Variants in DOCK9 observed in about 807,000 individuals in gnomAD.
DOCK9 encodes dedicator of cytokinesis 9.
DOCK9 carries 89 observed loss-of-function variants against 263.3 expected under a neutral mutation model. The ratio of observed to expected loss-of-function variants is 0.34; its 90% confidence interval spans 0.28 to 0.40. DOCK9 has a LOEUF of 0.40. DOCK9 is among the 10% of genes least tolerant of loss of function. The probability of loss-of-function intolerance (pLI) is 1.00; values close to 1 mark genes in which losing one functional copy is unlikely to be tolerated. For missense variants in DOCK9, 2,140 were observed against 2,603.4 expected, an observed-to-expected ratio of 0.82 and a Z score of 3.87; for synonymous variants, 976 against 973.1, an observed-to-expected ratio of 1.00 and a Z score of -0.06.
At chr13:98,826,753 G>A (rs2092557605) in intron 44 of DOCK9, 77 bp downstream of exon 44, 1 of 1,168,440 alleles carries the variant, frequency 8.6e-7, no homozygotes, top group African/African-American at 1.5e-5. Flanking sequence ...CAATCTTCCT[G>A]AATGGCTCTC....
chr13:98,810,167 A>T lies in DOCK9; in HGVS notation c.5253+2T>A, dbSNP rs1439038034. ...GAAAAAAACAAAAAGGCACTCTCAT[A>T]CCTCAAAATCCCTCCGCTTCTCATA... On this transcript the variant is annotated splice_donor_variant, in intron 46 of 52. Coordinates refer to ENST00000682017, the MANE Select transcript of DOCK9 (RefSeq NM_001366683.2). LOFTEE classifies it high-confidence loss of function. The T allele has an allele frequency of 6.2e-7, 1 of 1,613,882 alleles. No homozygotes were observed.
intron 1 of DOCK9, among the ~76,000 whole-genome samples, chr13:98,968,195 G>A (rs1402708440): frequency 6.6e-6 from 1 of 152,126 alleles, no homozygotes; most frequent in East Asian, 1.9e-4. Context: ...TCTTACGAAT[G>A]AAATATAAAA....
intron 2 of DOCK9, among the ~76,000 whole-genome samples, chr13:98,955,182 G>T (rs2057899495): frequency 1.3e-5 from 2 of 152,148 alleles, no homozygotes. Context: ...GCCAGGCATG[G>T]TGGCACACGC....
In DOCK9 at chr13:98,885,022, C is replaced by G. The variant is rs373591749; in HGVS notation, c.2331G>C (p.Ser777=). ...VVTSEQHIPV[S]ANLPSGYLGY... is the part of the protein sequence containing the mutation. Reference sequence around the variant, plus strand: ...CAAGATAGCCCGAAGGAAGGTTCGCCGAGACCGGGATGTGCTGCTCGCTTG... The same window carrying G: ...CAAGATAGCCCGAAGGAAGGTTCGCGGAGACCGGGATGTGCTGCTCGCTTG... The change falls in exon 21 of 53, where the codon TCG becomes TCC. Residue 777 remains serine, a synonymous_variant. Transcript: ENST00000682017. 6 of 1,613,616 alleles carry G rather than the reference C, an allele frequency of 3.7e-6. No homozygotes were observed. The highest frequency in any genetic ancestry group is 3.3e-5 in the South Asian group (3 of 91,006).
chr13:99,033,213 G>A (rs987063455), intron 1 of DOCK9, among the ~76,000 whole-genome samples: 1 of 152,174 alleles, frequency 6.6e-6, no homozygotes, highest in Non-Finnish European at 1.5e-5. Flanking sequence ...ATTCAGGCAG[G>A]ACCAGTAGTA....
intron 1 of DOCK9, among the ~76,000 whole-genome samples, chr13:98,999,917 C>G (rs552985347): frequency 6.6e-6 from 1 of 152,226 alleles, no homozygotes; most frequent in Admixed American, 6.5e-5. Flanking sequence ...AAATCTCTTG[C>G]ACCAAAGTTC....
rs188701431 is a variant in DOCK9, at chr13:99,006,920, G to A, written c.130-51369C>T. 6.9e-3 allele frequency among the ~76,000 whole-genome samples: 1,048 copies of A among 152,040 alleles called. 4 individuals carry two copies. Among genetic ancestry groups the A allele is most frequent in the Non-Finnish European group, 0.012 (803 of 67,958 alleles). ...CAACCTGACAACAAGGTGAAAACCC[G>A]TCTCTATAAGAAATACAAAAAGTTA... On this transcript the variant is annotated intron_variant, in intron 1 of 32. Coordinates refer to the DOCK9 transcript ENST00000427887.
intron 3 of DOCK9, among the ~76,000 whole-genome samples, chr13:98,926,215 G>C (rs1450273643): frequency 6.6e-6 from 1 of 152,156 alleles, no homozygotes; most frequent in Non-Finnish European, 1.5e-5. Flanking sequence ...ACTTAACAAT[G>C]GACTATTTCA....
Position 98,977,807 on chromosome 13 carries a change from C to A in DOCK9, c.103G>T (p.Ala35Ser). The change falls in exon 1 of 53, where the codon GCA becomes TCA. Residue 35 changes from alanine (A) to serine (S), a missense_variant. Around this residue, in one of 2 missense-constraint regions of DOCK9, gnomAD observed 1,521 missense variants for 1,741.7 expected, o/e 0.87. Transcript: ENST00000682017. ...YKDAAQGEVE[A>S]ESPGPVPAKP... ...ACCGGCACAGGGCCCGGGCTCTCTG[C>A]TTCCACTTCGCCCTGAGCTGCATCC... 6.2e-7 allele frequency: 1 copy of A among 1,611,566 alleles called. No individual in the cohort carries two copies. The highest frequency in any genetic ancestry group is 1.3e-5 in the African/African-American group (1 of 75,052).
chr13:98,982,926 T>C (rs1877543309), upstream of DOCK9, among the ~76,000 whole-genome samples: 1 of 152,190 alleles, frequency 6.6e-6, no homozygotes, highest in Non-Finnish European at 1.5e-5. Flanking sequence ...TTTTAAAATG[T>C]ACAAATAAAC....
chr13:99,014,927 G>A (rs564058415), intron 1 of DOCK9, among the ~76,000 whole-genome samples: 26 of 152,226 alleles, frequency 1.7e-4, no homozygotes, highest in Middle Eastern at 6.8e-3. Context: ...TAAGTAGCTG[G>A]ATTTTTTAAA....
intron 45 of DOCK9, chr13:98,820,768 G>T: frequency 2.9e-6 from 1 of 343,134 alleles, no homozygotes; most frequent in Non-Finnish European, 5.6e-6. Flanking sequence ...CTCAAGTCTG[G>T]GTCTGTCTAG....
chr13:98,955,873 T>A (rs1411157370), intron 1 of DOCK9, among the ~76,000 whole-genome samples: 4 of 152,170 alleles, frequency 2.6e-5, no homozygotes, highest in African/African-American at 9.7e-5. Flanking sequence ...AGAGTTGCCC[T>A]GGTTAGGTGT....
intron 2 of DOCK9, among the ~76,000 whole-genome samples, chr13:98,937,748 GCA>G (rs1365891251): frequency 2.7e-5 from 4 of 149,996 alleles, no homozygotes; most frequent in East Asian, 1.9e-4. Context: ...AGCTAGAAAA[GCA>G]CAGAGTTGCT....
In DOCK9 at chr13:98,930,249, G is replaced by A. The variant is rs1267203828; in HGVS notation, c.252C>T (p.Ile84=). ...LFPYDDFQTA[I]LRRQGRYICS... ...ATATGTATCGACCCTGTCGTCTCAG[G>A]ATGGCCGTCTGGAAACAAAAACAGG... Residue 84 remains isoleucine, a synonymous_variant, in exon 3 of 53, where the codon ATC becomes ATT. Transcript: ENST00000682017. The A allele has an allele frequency of 6.2e-7, 1 of 1,610,004 alleles. No homozygotes were observed. Among genetic ancestry groups the A allele is most frequent in the Admixed American group, 1.7e-5 (1 of 59,502 alleles).
chr13:99,077,249 C>T (rs1449417220), intron 1 of DOCK9, among the ~76,000 whole-genome samples: 3 of 152,150 alleles, frequency 2.0e-5, no homozygotes, highest in Admixed American at 6.5e-5. Context: ...TATGGTTTGG[C>T]TCTGTGTCCC....
intron 1 of DOCK9, among the ~76,000 whole-genome samples, chr13:99,070,791 C>A (rs1312912479): frequency 6.6e-6 from 1 of 152,194 alleles, no homozygotes; most frequent in Non-Finnish European, 1.5e-5. Context: ...AACTATCCCC[C>A]TAGTAACAGA....
chr13:98,813,530 C>G (rs1162026643), intron 45 of DOCK9, among the ~76,000 whole-genome samples: 1 of 152,122 alleles, frequency 6.6e-6, no homozygotes, highest in African/African-American at 2.4e-5. Flanking sequence ...ATTGGCTTTT[C>G]AATGCAGAGC....
At chr13:99,018,799 C>T (rs577012010) in intron 1 of DOCK9, among the ~76,000 whole-genome samples, 1 of 152,310 alleles carries the variant, frequency 6.6e-6, no homozygotes, top group Non-Finnish European at 1.5e-5. Context: ...GTGTAGCCAC[C>T]TAAAAGAGTA....
Sources: gnomAD v4.1 joint callset for allele counts (sites outside exome capture counted in the v4.1 genomes callset) on GRCh38, gnomAD v4.1.1 for gene constraint, gnomAD v4.1.1 regional missense constraint, MANE v1.5 for transcripts, NCBI Gene and HGNC (gene_info 2026-07-23, HGNC 2026-07-21) for gene names.